The following LRRC7 variants were observed in gnomAD, a reference collection of about 807,000 sequenced individuals.
The protein encoded by LRRC7 is leucine-rich repeat-containing protein 7.
LRRC7 carries 23 observed loss-of-function variants against 175.7 expected under a neutral mutation model. That is an observed-to-expected ratio of 0.13 (90% CI 0.09 to 0.19). LRRC7 has a LOEUF of 0.19. Among genes scored for constraint, LRRC7 ranks in the 10% least tolerant of loss-of-function variants. The pLI is 1.00. For synonymous variants in LRRC7, 685 were observed against 680.9 expected (o/e 1.01, Z -0.09); for missense variants, 1,354 against 1,904.7 (o/e 0.71, Z 5.38).
intron 22 of LRRC7, 107 bp downstream of exon 22, chr1:70,044,201 C>T (rs1660151350): frequency 8.6e-7 from 1 of 1,167,492 alleles, no homozygotes; most frequent in Non-Finnish European, 1.2e-6. Context: ...CTATAGGCTC[C>T]TATGAGTCCA....
At chr1:69,756,438 A>G (rs371594757) in intron 2 of LRRC7, among the ~76,000 whole-genome samples, 1 of 151,958 alleles carries the variant, frequency 6.6e-6, no homozygotes. Flanking sequence ...AGTGCCTAGT[A>G]TGATAGATTA....
At chr1:69,896,895 GT>G (rs1202568954) in intron 7 of LRRC7, among the ~76,000 whole-genome samples, 1 of 152,016 alleles carries the variant, frequency 6.6e-6, no homozygotes, top group African/African-American at 2.4e-5. Flanking sequence ...CTGCTCAAAG[GT>G]TAGCCTCTGA....
intron 2 of LRRC7, among the ~76,000 whole-genome samples, chr1:69,719,659 G>A (rs552263494): frequency 1.3e-5 from 2 of 151,462 alleles, no homozygotes; most frequent in Admixed American, 6.6e-5. Context: ...TCTTTGTATT[G>A]CATTATTTCT....
At chr1:69,938,215 C>T (rs541652788) in intron 8 of LRRC7, among the ~76,000 whole-genome samples, 1 of 152,086 alleles carries the variant, frequency 6.6e-6, no homozygotes, top group South Asian at 2.1e-4. Flanking sequence ...TTTTAACTAA[C>T]ATTTGAAACA....
chr1:70,017,226 G>C (rs1464877975), intron 14 of LRRC7, among the ~76,000 whole-genome samples: 1 of 147,386 alleles, frequency 6.8e-6, no homozygotes, highest in Non-Finnish European at 1.5e-5. Context: ...AGTGAGTCTA[G>C]ATCACTCCAG....
At chr1:69,711,969 G>A (rs1664800565) in intron 2 of LRRC7, among the ~76,000 whole-genome samples, 1 of 152,042 alleles carries the variant, frequency 6.6e-6, no homozygotes, top group Non-Finnish European at 1.5e-5. Context: ...CAATGAGTGG[G>A]GATCTTGTGT....
At chr1:69,707,506 T>C (rs1043833904) in intron 2 of LRRC7, among the ~76,000 whole-genome samples, 1 of 152,098 alleles carries the variant, frequency 6.6e-6, no homozygotes, top group African/African-American at 2.4e-5. Context: ...CTTTTATTGG[T>C]GTTTCCTGGT....
At chr1:69,718,545 T>A (rs1223662272) in intron 2 of LRRC7, among the ~76,000 whole-genome samples, 1 of 151,774 alleles carries the variant, frequency 6.6e-6, no homozygotes, top group Admixed American at 6.6e-5. Context: ...TGGGATTGGA[T>A]AAAGCATGGG....
At chr1:70,061,221 C>T (rs918917791) in intron 23 of LRRC7, among the ~76,000 whole-genome samples, 1 of 152,110 alleles carries the variant, frequency 6.6e-6, no homozygotes, top group Non-Finnish European at 1.5e-5. Context: ...TTCTGGTAGA[C>T]TAGGCAGTCC....
chr1:69,766,790 C>T (rs576274359), intron 3 of LRRC7, among the ~76,000 whole-genome samples: 2 of 152,280 alleles, frequency 1.3e-5, no homozygotes, highest in South Asian at 4.1e-4. Flanking sequence ...AATGCTTTCA[C>T]ACCCAAATGT....
chr1:70,004,558 A>C (rs779819096), intron 11 of LRRC7, among the ~76,000 whole-genome samples: 3 of 152,110 alleles, frequency 2.0e-5, no homozygotes, highest in Non-Finnish European at 4.4e-5. Context: ...TCAGTGATGA[A>C]ACTGAGGTAC....
chr1:70,074,651 A>G (rs572502210), intron 23 of LRRC7, among the ~76,000 whole-genome samples: 1 of 152,322 alleles, frequency 6.6e-6, no homozygotes, highest in South Asian at 2.1e-4. Context: ...CTGTTTTCAA[A>G]TGTAAACAAT....
intron 4 of LRRC7, among the ~76,000 whole-genome samples, chr1:69,797,010 G>A (rs1675864842): frequency 6.6e-6 from 1 of 152,012 alleles, no homozygotes; most frequent in East Asian, 1.9e-4. Context: ...GAGATTAGAA[G>A]CTATCTCATT....
At chr1:69,909,772 T>G (rs1220658583) in intron 7 of LRRC7, among the ~76,000 whole-genome samples, 2 of 151,966 alleles carry the variant, frequency 1.3e-5, no homozygotes, top group Non-Finnish European at 2.9e-5. Flanking sequence ...TCTCGGGGAG[T>G]ATCTTTGTGG....
chr1:69,635,904 G>A (rs1433799302), intron 1 of LRRC7, among the ~76,000 whole-genome samples: 1 of 151,874 alleles, frequency 6.6e-6, no homozygotes, highest in African/African-American at 2.4e-5. Context: ...TATTAAATTA[G>A]TGAAAATGAG....
intron 8 of LRRC7, among the ~76,000 whole-genome samples, chr1:69,933,858 G>C (rs954544170): frequency 6.6e-6 from 1 of 152,022 alleles, no homozygotes; most frequent in Admixed American, 6.6e-5. Context: ...GAAATCCTAC[G>C]AGCAGAAATA....
chr1:70,037,328 T>A (rs1382469374), intron 20 of LRRC7, among the ~76,000 whole-genome samples: 1 of 152,242 alleles, frequency 6.6e-6, no homozygotes, highest in Non-Finnish European at 1.5e-5. Context: ...TCTTTAGTAA[T>A]TCATGAGTAA....
At chr1:69,643,482 T>C (rs1654543796) in intron 1 of LRRC7, among the ~76,000 whole-genome samples, 1 of 152,148 alleles carries the variant, frequency 6.6e-6, no homozygotes, top group South Asian at 2.1e-4. Flanking sequence ...CAGAAATTCC[T>C]CTGCAGCACA....
In LRRC7 at chr1:70,135,374, T is replaced by C. The variant is rs964276707; in HGVS notation, c.*13487T>C. Among the ~76,000 whole-genome samples the C allele has an allele frequency of 4.6e-5, 7 of 152,178 alleles. No homozygotes were observed. Among genetic ancestry groups the C allele is most frequent in the Non-Finnish European group, 8.8e-5 (6 of 68,028 alleles). On this transcript the variant is annotated 3_prime_UTR_variant, in exon 27 of 27. Coordinates refer to ENST00000651989, the MANE Select transcript of LRRC7 (RefSeq NM_001370785.2). ...TACTGTAGAACAAACATCATTTTTT[T>C]AGTTCTGTCATGAGGTAAAGATGTA...
Sources: gnomAD v4.1 joint callset for allele counts (sites outside exome capture counted in the v4.1 genomes callset) on GRCh38, gnomAD v4.1.1 for gene constraint, MANE v1.5 for transcripts, NCBI Gene and HGNC (gene_info 2026-07-23, HGNC 2026-07-21) for gene names.